PRDM16: variants seen among roughly 807,000 people sequenced by gnomAD.
The protein encoded by PRDM16 is histone-lysine N-methyltransferase PRDM16.
Under a neutral mutation model 110.6 loss-of-function variants are expected in PRDM16, and 23 were observed. The ratio of observed to expected loss-of-function variants is 0.21; its 90% CI spans 0.15 to 0.29. PRDM16 has a LOEUF of 0.29. Ranked by LOEUF, PRDM16 falls within the 10% of genes least tolerant of loss-of-function variation. PRDM16 has a pLI of 1.00. For missense variants in PRDM16, 1,615 were observed against 1,794.3 expected, an observed-to-expected ratio of 0.90 and a Z score of 1.81; for synonymous variants, 799 against 781.8, an observed-to-expected ratio of 1.02 and a Z score of -0.37.
chr1:3,365,616 C>G (rs1642795541), intron 3 of PRDM16, among the ~76,000 whole-genome samples: 1 of 152,224 alleles, frequency 6.6e-6, no homozygotes, highest in African/African-American at 2.4e-5. Context: ...GGGCTCTGTG[C>G]TAGGCAGCCA....
At chr1:3,352,412 G>T (rs1238002893) in intron 3 of PRDM16, among the ~76,000 whole-genome samples, 1 of 152,170 alleles carries the variant, frequency 6.6e-6, no homozygotes, top group Non-Finnish European at 1.5e-5. Context: ...CCCCTCCGAA[G>T]CCGGCGCCCC....
chr1:3,384,507 G>C (rs1434631116), intron 3 of PRDM16, among the ~76,000 whole-genome samples: 1 of 152,172 alleles, frequency 6.6e-6, no homozygotes, highest in East Asian at 1.9e-4. Flanking sequence ...AAAAGTCCTA[G>C]GGGTTGCCAC....
chr1:3,307,175 A>G (rs1041855439), intron 3 of PRDM16: 2 of 152,122 alleles, frequency 1.3e-5, no homozygotes, highest in Non-Finnish European at 2.9e-5. Context: ...GTAAGTTTCT[A>G]TTTCTCTTGG....
intron 3 of PRDM16, among the ~76,000 whole-genome samples, chr1:3,326,661 A>G (rs1172945543): frequency 6.6e-6 from 1 of 152,092 alleles, no homozygotes; most frequent in Non-Finnish European, 1.5e-5. Flanking sequence ...TGATTAGAGG[A>G]GCGGGGAACA....
At chr1:3,409,482 G>A (rs1448885105) in intron 8 of PRDM16, among the ~76,000 whole-genome samples, 1 of 152,126 alleles carries the variant, frequency 6.6e-6, no homozygotes, top group South Asian at 2.1e-4. Context: ...AATAGATATC[G>A]TGATGAAAGA....
intron 10 of PRDM16, among the ~76,000 whole-genome samples, chr1:3,417,480 G>A (rs765747190): frequency 6.6e-5 from 10 of 152,172 alleles, no homozygotes; most frequent in East Asian, 1.9e-4. Context: ...GCATTTTGCC[G>A]GCCTGGGTCA....
chr1:3,284,624 C>T (rs891650913), intron 3 of PRDM16, among the ~76,000 whole-genome samples: 11 of 152,214 alleles, frequency 7.2e-5, no homozygotes, highest in African/African-American at 2.2e-4. Context: ...ACCCTGAGAA[C>T]GTGGGAGTGC....
At position 3,365,062 on chromosome 1, in the gene PRDM16, G is replaced by C. The variant is rs1018151133; in HGVS notation, c.439-20090G>C. 6.2e-4 allele frequency among the ~76,000 whole-genome samples: 95 copies of C among 152,332 alleles called. 2 individuals are homozygous for C. Among genetic ancestry groups the C allele is most frequent in the Non-Finnish European group, 1.0e-3 (71 of 68,038 alleles). ...CCCAGGAGAAAATAGGTTTCTCTGA[G>C]CCAGGGACCCACTCGGCCAGTGGGC... On this transcript the variant is annotated intron_variant, in intron 3 of 16. Transcript: ENST00000270722.
chr1:3,425,808 G>T lies in PRDM16; in HGVS notation c.3109+58G>T. 6.3e-7 allele frequency: 1 copy of T among 1,596,178 alleles called. No homozygotes were observed. Among genetic ancestry groups the T allele is most frequent in the Non-Finnish European group, 8.6e-7 (1 of 1,168,224 alleles). On this transcript the variant is annotated intron_variant, in intron 13 of 16. Coordinates refer to ENST00000270722, the MANE Select transcript of PRDM16 (RefSeq NM_022114.4). The surrounding 1 kb of genome is among the most constrained non-coding windows in gnomAD (Gnocchi z 6.9). ...CACCCACACGGGCAGGCCCCACAGA[G>T]GGGGAGGGGGAACAGCAGGGGAGTG...
chr1:3,437,538 C>T lies in PRDM16; in HGVS notation c.*3727C>T, dbSNP rs1279102455. The T allele has an allele frequency of 2.2e-5, 5 of 228,662 alleles. No homozygotes were observed. The highest frequency in any genetic ancestry group is 2.6e-5 in the Non-Finnish European group (3 of 115,288). 14.2% of individuals were successfully genotyped at this position (228,662 alleles called of 1,614,324 possible). On this transcript the variant is annotated 3_prime_UTR_variant, in exon 17 of 17. Transcript: ENST00000270722. ...CCTTGTGGGGGAGGGCAAGGCTCTC[C>T]TCCCAGCCAGGGACGCCAGGACATA...
chr1:3,271,000 T>C, intron 3 of PRDM16, among the ~76,000 whole-genome samples: 1 of 152,012 alleles, frequency 6.6e-6, no homozygotes, highest in Non-Finnish European at 1.5e-5. Context: ...GTTCGCTGAG[T>C]CTGCCAGGGC....
chr1:3,364,057 G>A (rs1056408145), intron 3 of PRDM16, among the ~76,000 whole-genome samples: 2 of 152,078 alleles, frequency 1.3e-5, no homozygotes, highest in Non-Finnish European at 1.5e-5. Context: ...TGCCTCCCCC[G>A]CATCTTGTTG....
In PRDM16 at chr1:3,360,045, T is replaced by C. The variant is rs57379865; in HGVS notation, c.439-25107T>C. On this transcript the variant is annotated intron_variant, in intron 3 of 16. Transcript: ENST00000270722. The stretch of plus-strand genomic sequence containing the variant: ...GTTCCCGTTAGCGGGCCGCCATCCC[T>C]TGTCCCCAACTGTCACATCTCTGAA... Among the ~76,000 whole-genome samples the C allele has an allele frequency of 1.3e-3, 185 of 141,108 alleles. 2 individuals are homozygous for C. In the East Asian group the frequency reaches 0.028, roughly 21 times the overall value. The allele number at this position is 141,108 out of a possible 152,430, so 92.6% of individuals were successfully genotyped here.
chr1:3,114,770 C>T (rs369832212), intron 1 of PRDM16, among the ~76,000 whole-genome samples: 43 of 152,356 alleles, frequency 2.8e-4, no homozygotes, highest in African/African-American at 9.6e-4. Context: ...GGAGCTCCTG[C>T]GCTTCACCAA....
intron 1 of PRDM16, among the ~76,000 whole-genome samples, chr1:3,096,105 T>G (rs539902655): frequency 1.3e-5 from 2 of 152,156 alleles, no homozygotes; most frequent in South Asian, 4.1e-4. Context: ...CTATTTGGGG[T>G]GCAGGGTACG....
chr1:3,215,728 C>T (rs1639011801), intron 2 of PRDM16, among the ~76,000 whole-genome samples: 1 of 152,226 alleles, frequency 6.6e-6, no homozygotes, highest in African/African-American at 2.4e-5. Context: ...CTGCCAGCCC[C>T]TGCCCTCCTC....
rs575497154 is a variant in PRDM16 at position 3,425,228 on chromosome 1, C to T, written c.2940-353C>T. On this transcript the variant is annotated intron_variant, in intron 12 of 16. Coordinates refer to ENST00000270722, the MANE Select transcript of PRDM16 (RefSeq NM_022114.4). The surrounding 1 kb of genome is among the most constrained non-coding windows in gnomAD (Gnocchi z 6.9). ...GAGTAGCTGGGACTACAGGCGCCCA[C>T]CACCACGACTGGCTGATTTTTTTGT... 3.9e-5 allele frequency: 7 copies of T among 180,986 alleles called. No homozygotes were observed. The highest frequency in any genetic ancestry group is 7.1e-5 in the Non-Finnish European group (6 of 84,822). The allele number at this position is 180,986 out of a possible 1,614,324, so 11.2% of individuals were successfully genotyped here.
rs199998420 is a variant in PRDM16, at chr1:3,412,493, G to A, written c.2296G>A (p.Gly766Ser). The change falls in exon 9 of 17, where the codon GGC (glycine) becomes AGC (serine). Residue 766 changes from glycine to serine, a missense_variant. This residue lies in a region of PRDM16 where 772 missense variants were observed against 748.3 expected (regional missense o/e 1.03). Coordinates refer to ENST00000270722, the MANE Select transcript of PRDM16 (RefSeq NM_022114.4). ...ACCCCGGGACGCCCTCAAGGTGGGC[G>A]GCCCCAGTGCCGAGTGCCCCTTTGA... ...KSPRDALKVG[G>S]PSAECPFDLT... is the part of the protein sequence containing the mutation. 245 of 1,613,360 alleles carry A rather than the reference G, an allele frequency of 1.5e-4. No homozygotes were observed. In the African/African-American group the frequency reaches 2.3e-3, roughly 15 times the overall value.
At chr1:3,337,050 C>T (rs536867763) in intron 3 of PRDM16, among the ~76,000 whole-genome samples, 5,018 of 148,836 alleles carry the variant, frequency 0.034, 232 homozygotes, top group East Asian at 0.12. Context: ...CATTCATGCA[C>T]ATCTGTTGGT....
Sources: allele counts gnomAD v4.1 joint callset (sites outside exome capture counted in the v4.1 genomes callset), GRCh38; gene constraint gnomAD v4.1.1; regional missense constraint gnomAD v4.1.1; non-coding constraint Gnocchi (gnomAD v3.1); transcripts MANE v1.5; gene names NCBI Gene and HGNC (gene_info 2026-07-23, HGNC 2026-07-21).